MTUS2: variants seen among roughly 807,000 people sequenced by gnomAD.
The protein encoded by MTUS2 is microtubule-associated tumor suppressor candidate 2.
In MTUS2, 40 loss-of-function variants were observed where a neutral mutation model predicts 114.1. The ratio of observed to expected loss-of-function variants is 0.35; its 90% CI spans 0.27 to 0.46. MTUS2 has a LOEUF of 0.46. Among genes scored for constraint, MTUS2 ranks in the 20% least tolerant of loss-of-function variants. The pLI, the probability that MTUS2 is intolerant of heterozygous loss-of-function variation, is 1.00. For synonymous variants in MTUS2, 688 were observed against 672.0 expected (o/e 1.02, Z -0.37); for missense variants, 1,679 against 1,705.4 (o/e 0.98, Z 0.27).
chr13:28,885,599 A>G (rs1445552319), intron 2 of MTUS2, among the ~76,000 whole-genome samples: 1 of 152,186 alleles, frequency 6.6e-6, no homozygotes, highest in East Asian at 1.9e-4. Flanking sequence ...GAAGACGCCA[A>G]TTTTACTACC....
chr13:28,839,559 T>C (rs1001675700), intron 1 of MTUS2, among the ~76,000 whole-genome samples: 1 of 152,178 alleles, frequency 6.6e-6, no homozygotes, highest in Admixed American at 6.5e-5. Flanking sequence ...AAAATAAGAT[T>C]AAGTATCTCT....
In MTUS2 at chr13:29,505,227, G is replaced by A. The variant is rs902869750; in HGVS notation, c.*2021G>A. ...AAATTCAGTTACAGCTTAGCTGTCCGAATTAGGAACCGCTTACATAGCCGC... is the reference window on the plus strand; with the variant it reads ...AAATTCAGTTACAGCTTAGCTGTCCAAATTAGGAACCGCTTACATAGCCGC... On this transcript the variant is annotated 3_prime_UTR_variant, in exon 16 of 16. Coordinates refer to ENST00000612955, the MANE Select transcript of MTUS2 (RefSeq NM_001033602.4). The A allele has an allele frequency of 5.2e-5, 12 of 231,788 alleles. No individual in the cohort carries two copies. The highest frequency in any genetic ancestry group is 8.5e-5 in the Non-Finnish European group (10 of 116,964). The allele number at this position is 231,788 out of a possible 1,614,324, so 14.4% of individuals were successfully genotyped here.
intron 2 of MTUS2, among the ~76,000 whole-genome samples, chr13:28,904,199 A>G (rs902328384): frequency 1.3e-5 from 2 of 152,066 alleles, no homozygotes. Flanking sequence ...ATTTTCTCCC[A>G]TTCTGTAGGT....
intron 2 of MTUS2, among the ~76,000 whole-genome samples, chr13:28,874,057 C>T (rs766295096): frequency 5.9e-5 from 9 of 152,218 alleles, no homozygotes; most frequent in South Asian, 2.1e-4. Context: ...CTCGCTCTGT[C>T]GCCCAGGCTG....
intron 2 of MTUS2, among the ~76,000 whole-genome samples, chr13:28,912,835 T>C (rs776706804): frequency 3.9e-5 from 6 of 152,170 alleles, no homozygotes; most frequent in Non-Finnish European, 7.4e-5. Context: ...ATTGTTGGTT[T>C]ATTGGAATGC....
At chr13:29,178,630 G>A (rs1893872459) in intron 5 of MTUS2, among the ~76,000 whole-genome samples, 2 of 151,688 alleles carry the variant, frequency 1.3e-5, no homozygotes, top group African/African-American at 4.9e-5. Flanking sequence ...TGTCCCTTGG[G>A]GGAGCAAAAT....
intron 6 of MTUS2, among the ~76,000 whole-genome samples, chr13:29,302,616 G>A (rs1435921600): frequency 1.3e-5 from 2 of 152,204 alleles, no homozygotes; most frequent in Non-Finnish European, 2.9e-5. Context: ...CTAGCTTAGA[G>A]TCCCAGTCAG....
chr13:29,309,710 A>G (rs1899661437), intron 6 of MTUS2, among the ~76,000 whole-genome samples: 1 of 152,184 alleles, frequency 6.6e-6, no homozygotes, highest in Non-Finnish European at 1.5e-5. Flanking sequence ...ATTTATAATA[A>G]TATTGCTAAG....
chr13:29,307,755 C>A, intron 6 of MTUS2: 2 of 1,070,492 alleles, frequency 1.9e-6, no homozygotes, highest in African/African-American at 1.5e-5. Context: ...GGGTGATGGA[C>A]CTCATGGCCC....
chr13:29,461,064 T>G (rs1426324978), intron 9 of MTUS2, among the ~76,000 whole-genome samples: 1 of 152,170 alleles, frequency 6.6e-6, no homozygotes, highest in African/African-American at 2.4e-5. Context: ...GATTAATTTC[T>G]TACAGTTCTG....
intron 3 of MTUS2, among the ~76,000 whole-genome samples, chr13:29,028,082 A>G (rs1886643459): frequency 7.0e-6 from 1 of 143,694 alleles, no homozygotes; most frequent in Non-Finnish European, 1.5e-5. Flanking sequence ...AGCCAAGGAC[A>G]GCGGCTCACA....
At chr13:29,286,425 A>G (rs1218430366) in intron 6 of MTUS2, among the ~76,000 whole-genome samples, 1 of 152,240 alleles carries the variant, frequency 6.6e-6, no homozygotes, top group Non-Finnish European at 1.5e-5. Context: ...AATGGAATAC[A>G]GTAAGTTAAC....
At chr13:29,460,754 A>G (rs527340541) in intron 9 of MTUS2, among the ~76,000 whole-genome samples, 124 of 152,318 alleles carry the variant, frequency 8.1e-4, no homozygotes, top group Non-Finnish European at 1.5e-3. Context: ...GGAAAGGCTC[A>G]AAGTGTGGTC....
chr13:29,389,508 C>CAT lies in MTUS2; in HGVS notation c.3117+30035_3117+30036insAT, dbSNP rs1555272513. 7.9e-4 allele frequency among the ~76,000 whole-genome samples: 55 copies of CAT among 69,612 alleles called. 6 individuals carry two copies. Among genetic ancestry groups the CAT allele is most frequent in the African/African-American group, 2.6e-3 (53 of 20,498 alleles). The allele number at this position is 69,612 out of a possible 152,430, so 45.7% of individuals were successfully genotyped here. On this transcript the variant is annotated intron_variant, in intron 8 of 15. Transcript: ENST00000612955. ...GTGTGTATGTGTATATATGTATACACGTGTGTGTATGTGTATATATGTATA... is the reference window on the plus strand; with the variant it reads ...GTGTGTATGTGTATATATGTATACACATGTGTGTGTATGTGTATATATGTATA...
In MTUS2 at chr13:29,345,816, A is replaced by G. The variant is rs137996199; in HGVS notation, c.2906-13446A>G. On this transcript the variant is annotated intron_variant, in intron 7 of 15. Coordinates refer to ENST00000612955, the MANE Select transcript of MTUS2 (RefSeq NM_001033602.4). ...AGGGAAGATTTGGGGCTGAAGGGCT[A>G]TTGTTCAGATTCTTCTGTCCCACAG... 1.2e-4 allele frequency among the ~76,000 whole-genome samples: 18 copies of G among 152,238 alleles called. 1 individual carries two copies. The East Asian group carries it at 3.3e-3, about 28-fold the overall frequency.
At chr13:29,376,031 ATATATATATGTGTG>A (rs1566164266) in intron 8 of MTUS2, among the ~76,000 whole-genome samples, 570 of 45,302 alleles carry the variant, frequency 0.013, 1 homozygote, top group African/African-American at 0.022. Context: ...GTGTGTGTAT[ATATATATATGTGTG>A]TGTGTGTGTG....
At chr13:28,952,270 A>G (rs941844097) in intron 2 of MTUS2, among the ~76,000 whole-genome samples, 3 of 152,338 alleles carry the variant, frequency 2.0e-5, no homozygotes, top group Non-Finnish European at 2.9e-5. Context: ...AGTGTTAACA[A>G]CCTCACACAT....
At chr13:28,911,261 C>T (rs1880413206) in intron 2 of MTUS2, among the ~76,000 whole-genome samples, 1 of 148,236 alleles carries the variant, frequency 6.7e-6, no homozygotes, top group African/African-American at 2.5e-5. Flanking sequence ...CTGCAACGTC[C>T]ACCTCCTGGT....
chr13:28,913,408 A>T lies in MTUS2; in HGVS notation c.-243+73558A>T, dbSNP rs1593295664. On this transcript the variant is annotated intron_variant, in intron 2 of 15. Transcript: ENST00000612955. Reference sequence around the variant, plus strand: ...GTCTTTAGTTCTGTTTGTGTGATTTATTACATTTATTGATTTGGATATGTT... The same window carrying T: ...GTCTTTAGTTCTGTTTGTGTGATTTTTTACATTTATTGATTTGGATATGTT... 3.9e-5 allele frequency among the ~76,000 whole-genome samples: 6 copies of T among 152,190 alleles called. 1 individual carries two copies. Among genetic ancestry groups the T allele is most frequent in the Admixed American group, 3.9e-4 (6 of 15,272 alleles).
Sources: allele counts gnomAD v4.1 joint callset (sites outside exome capture counted in the v4.1 genomes callset), GRCh38; gene constraint gnomAD v4.1.1; transcripts MANE v1.5; gene names NCBI Gene and HGNC (gene_info 2026-07-23, HGNC 2026-07-21).